CNIH3: variants seen among roughly 807,000 people sequenced by gnomAD.
CNIH3 encodes the protein protein cornichon homolog 3.
A neutral mutation model predicts 24.1 loss-of-function variants in CNIH3; 14 were observed. That is an observed-to-expected ratio of 0.58 (90% CI 0.38 to 0.91). The LOEUF is 0.91. CNIH3 is among the 40% of genes least tolerant of loss of function. The pLI is 0.00. For missense variants in CNIH3, 178 were observed against 196.8 expected, an observed-to-expected ratio of 0.90 and a Z score of 0.57; for synonymous variants, 68 against 73.8, an observed-to-expected ratio of 0.92 and a Z score of 0.40.
At chr1:224,540,396 C>T (rs1225360400), downstream of CNIH3, among the ~76,000 whole-genome samples, 2 of 152,124 alleles carry the variant, frequency 1.3e-5, no homozygotes, top group East Asian at 1.9e-4. Context: ...GCCACCCATG[C>T]GGATGTAGTT....
Position 224,699,490 on chromosome 1 carries a change from C to T in CNIH3, c.198+14647C>T, listed in dbSNP as rs373602394. Among the ~76,000 whole-genome samples the T allele has an allele frequency of 2.0e-5, 3 of 152,164 alleles. No individual in the cohort carries two copies. The South Asian group carries it at 6.2e-4, about 32-fold the overall frequency. On this transcript the variant is annotated intron_variant, in intron 3 of 5. Transcript: ENST00000272133. ...GGCTAGAAGTACTAGATCAACGTGT[C>T]GGCAGGGTTGGTTCCTTCTGAGGGT...
At chr1:224,434,801 G>A in exon 1 of CNIH3, 1 of 986,354 alleles carries the variant, frequency 1.0e-6, no homozygotes, top group Non-Finnish European at 1.2e-6. Flanking sequence ...GCCTAATGGA[G>A]TCCAGGCGCT....
chr1:224,734,162 T>G (rs1689477751), intron 4 of CNIH3, among the ~76,000 whole-genome samples: 1 of 152,208 alleles, frequency 6.6e-6, no homozygotes, highest in African/African-American at 2.4e-5. Context: ...GGATTTTCAA[T>G]AAGGGTCTGT....
intron 2 of CNIH3, among the ~76,000 whole-genome samples, chr1:224,683,635 T>C (rs983668816): frequency 5.9e-5 from 9 of 152,252 alleles, no homozygotes; most frequent in Non-Finnish European, 8.8e-5. Flanking sequence ...CTCAATATCG[T>C]TGGACCCTCT....
intron 1 of CNIH3, among the ~76,000 whole-genome samples, chr1:224,484,711 A>G (rs1458922547): frequency 6.6e-6 from 1 of 151,960 alleles, no homozygotes; most frequent in African/African-American, 2.4e-5. Flanking sequence ...TTCATCTTGG[A>G]TATTTTGTGT....
intron 1 of CNIH3, among the ~76,000 whole-genome samples, chr1:224,445,574 T>TAAAA (rs369951294): frequency 6.6e-5 from 6 of 90,396 alleles, no homozygotes; most frequent in African/African-American, 2.0e-4. Context: ...GGACTCTGCT[T>TAAAA]AAAAAAAAAA....
intron 1 of CNIH3, among the ~76,000 whole-genome samples, chr1:224,451,058 G>A (rs768910415): frequency 6.6e-6 from 1 of 152,154 alleles, no homozygotes; most frequent in Non-Finnish European, 1.5e-5. Context: ...AAGATGCCAT[G>A]TCTAAAATCC....
intron 2 of CNIH3, among the ~76,000 whole-genome samples, chr1:224,544,312 C>T (rs1679621830): frequency 6.6e-6 from 1 of 152,166 alleles, no homozygotes; most frequent in South Asian, 2.1e-4. Flanking sequence ...AAGCAGTCAG[C>T]AGTGATAATT....
rs1686539897 is a variant in CNIH3 at position 224,684,190 on chromosome 1, C to T, written c.151-606C>T. Among the ~76,000 whole-genome samples the T allele has an allele frequency of 6.6e-6, 1 of 152,242 alleles. No individual in the cohort carries two copies. ...GCATCATCACCTGCCCAGCCACGGGCCATCATCTCATCTTCCCTTGGCAGT... is the reference window on the plus strand; with the variant it reads ...GCATCATCACCTGCCCAGCCACGGGTCATCATCTCATCTTCCCTTGGCAGT... On this transcript the variant is annotated intron_variant, in intron 2 of 5. Coordinates refer to ENST00000272133, the MANE Select transcript of CNIH3 (RefSeq NM_152495.2). The surrounding 1 kb of genome is among the most constrained non-coding windows in gnomAD (Gnocchi z 4.2).
chr1:224,617,411 C>A (rs1189247034), intron 1 of CNIH3, among the ~76,000 whole-genome samples, 156 bp downstream of exon 1: 1 of 152,176 alleles, frequency 6.6e-6, no homozygotes, highest in Non-Finnish European at 1.5e-5. Flanking sequence ...TCGCTGCATC[C>A]CGCCGGGCGC....
At chr1:224,647,279 G>A (rs181159829) in intron 1 of CNIH3, among the ~76,000 whole-genome samples, 65 of 152,342 alleles carry the variant, frequency 4.3e-4, no homozygotes, top group Middle Eastern at 3.4e-3. Flanking sequence ...CACTGTGCCC[G>A]TCCTACAGTC....
intron 4 of CNIH3, chr1:224,575,177 C>T (rs2125006068): frequency 9.3e-7 from 1 of 1,077,776 alleles, no homozygotes; most frequent in Non-Finnish European, 1.4e-6. Context: ...AAACTACAGC[C>T]CAGGTTCTGA....
At chr1:224,711,213 A>G (rs1388863636) in intron 3 of CNIH3, among the ~76,000 whole-genome samples, 20 of 152,212 alleles carry the variant, frequency 1.3e-4, no homozygotes, top group Admixed American at 1.3e-3. Flanking sequence ...GCCATCTACT[A>G]TCCTTTTTGA....
intron 1 of CNIH3, among the ~76,000 whole-genome samples, chr1:224,481,938 G>A (rs1676830662): frequency 1.3e-5 from 2 of 152,168 alleles, no homozygotes; most frequent in Admixed American, 1.3e-4. Context: ...TGGCTGAGCT[G>A]GCACCAAATC....
At chr1:224,540,383 A>G (rs1380344770), downstream of CNIH3, among the ~76,000 whole-genome samples, 2 of 152,254 alleles carry the variant, frequency 1.3e-5, no homozygotes, top group Admixed American at 6.5e-5. Context: ...GGCTAATTCA[A>G]TAGCCACCCA....
At chr1:224,662,396 G>A (rs1685406489) in intron 1 of CNIH3, among the ~76,000 whole-genome samples, 1 of 152,018 alleles carries the variant, frequency 6.6e-6, no homozygotes, top group Non-Finnish European at 1.5e-5. Context: ...CAATAACTCA[G>A]AAGATTCAGC....
chr1:224,453,349 T>C (rs897947302), intron 1 of CNIH3, among the ~76,000 whole-genome samples: 2 of 151,728 alleles, frequency 1.3e-5, no homozygotes, highest in African/African-American at 2.4e-5. Flanking sequence ...CTGGCCATTT[T>C]TTCTTTTTTC....
Position 224,452,294 on chromosome 1 carries a change from C to T in CNIH3, n.203+17432C>T, listed in dbSNP as rs569256849. On this transcript the variant is annotated intron_variant and non_coding_transcript_variant, in intron 1 of 5. Coordinates refer to the CNIH3 transcript ENST00000471578. ...CCTCCCAAGTAGCTGGGATTATAGG[C>T]GCGTACCACCATGCCCGGCTAATTT... 7.3e-5 allele frequency among the ~76,000 whole-genome samples: 11 copies of T among 151,600 alleles called. 1 individual carries two copies. Among genetic ancestry groups the T allele is most frequent in the South Asian group, 6.2e-4 (3 of 4,802 alleles).
At chr1:224,566,197 A>T (rs1680574019) in intron 3 of CNIH3, 1 of 152,140 alleles carries the variant, frequency 6.6e-6, no homozygotes, top group Admixed American at 6.5e-5. Flanking sequence ...TTTGTTTTCC[A>T]GTTGCCTCCT....
Sources: allele counts gnomAD v4.1 joint callset (sites outside exome capture counted in the v4.1 genomes callset), GRCh38; gene constraint gnomAD v4.1.1; non-coding constraint Gnocchi (gnomAD v3.1); transcripts MANE v1.5; gene names NCBI Gene and HGNC (gene_info 2026-07-23, HGNC 2026-07-21).